DEPDC5: variants seen among roughly 807,000 people sequenced by gnomAD.
DEPDC5 encodes the protein DEP domain containing 5, GATOR1 subcomplex subunit.
A neutral mutation model predicts 217.3 loss-of-function variants in DEPDC5; 73 were observed. The ratio of observed to expected loss-of-function variants is 0.34; its 90% CI spans 0.28 to 0.41. DEPDC5 has a LOEUF of 0.41. Among genes scored for constraint, DEPDC5 ranks in the 10% least tolerant of loss-of-function variants. DEPDC5 has a pLI of 1.00. For missense variants in DEPDC5, 1,675 were observed against 2,070.1 expected (o/e 0.81, Z 3.70); for synonymous variants, 733 against 756.7 (o/e 0.97, Z 0.51).
intron 2 of DEPDC5, 26 bp downstream of exon 2, chr22:31,755,005 T>C: frequency 1.2e-6 from 2 of 1,613,644 alleles, no homozygotes; most frequent in Non-Finnish European, 1.7e-6. Context: ...TCTTTAGAGG[T>C]TTTGTAAGTT....
intron 24 of DEPDC5, among the ~76,000 whole-genome samples, chr22:31,829,153 A>G (rs185822648): frequency 5.9e-5 from 9 of 152,346 alleles, no homozygotes; most frequent in Admixed American, 4.6e-4. Flanking sequence ...GGTTGGGTAC[A>G]TTATGGGCTA....
At chr22:31,819,296 A>C in intron 22 of DEPDC5, 71 bp downstream of exon 22, 1 of 1,549,872 alleles carries the variant, frequency 6.5e-7, no homozygotes, top group Non-Finnish European at 8.8e-7. Flanking sequence ...TCGGTCACCC[A>C]TGTGTCCTTG....
intron 5 of DEPDC5, among the ~76,000 whole-genome samples, chr22:31,765,579 G>A (rs558481974): frequency 2.0e-5 from 3 of 151,880 alleles, no homozygotes; most frequent in Non-Finnish European, 4.4e-5. Context: ...AGGAGCTACC[G>A]CGTCCTGCCT....
At chr22:31,893,043 T>C (rs1188259697) in intron 38 of DEPDC5, among the ~76,000 whole-genome samples, 1 of 151,998 alleles carries the variant, frequency 6.6e-6, no homozygotes, top group African/African-American at 2.4e-5. Flanking sequence ...ACCCAGCTAA[T>C]TTTTGTATTT....
chr22:31,885,807 G>T (rs1326587870), intron 38 of DEPDC5, among the ~76,000 whole-genome samples: 2 of 151,486 alleles, frequency 1.3e-5, no homozygotes, highest in African/African-American at 4.9e-5. Flanking sequence ...AGGCCAAGGC[G>T]GGTGGATCAC....
At chr22:31,759,607 C>T (rs545230273) in intron 3 of DEPDC5, among the ~76,000 whole-genome samples, 11 of 148,540 alleles carry the variant, frequency 7.4e-5, no homozygotes, top group African/African-American at 2.7e-4. Context: ...CTCCTGACCT[C>T]GTGATCCGCC....
chr22:31,804,672 G>C (rs1197369582), intron 16 of DEPDC5, among the ~76,000 whole-genome samples, 170 bp from the exon 17 acceptor site: 1 of 152,162 alleles, frequency 6.6e-6, no homozygotes, highest in Non-Finnish European at 1.5e-5. Flanking sequence ...ACACCTGATT[G>C]CAGGTGGTCC....
chr22:31,765,610 T>A lies in DEPDC5; in HGVS notation c.279+550T>A, dbSNP rs151098204. Among the ~76,000 whole-genome samples, 138 of 152,154 alleles carry A rather than the reference T, an allele frequency of 9.1e-4. 2 individuals carry two copies. The East Asian group carries it at 0.025, about 27-fold the overall frequency. Reference sequence around the variant, plus strand: ...TGCCTACTAAAACTTTTCTAAAAGATTAGCTGGGTGTGTTGTATATGCCTG... The same window carrying A: ...TGCCTACTAAAACTTTTCTAAAAGAATAGCTGGGTGTGTTGTATATGCCTG... On this transcript the variant is annotated intron_variant, in intron 5 of 42. Coordinates refer to ENST00000651528, the MANE Select transcript of DEPDC5 (RefSeq NM_001242896.3).
intron 4 of DEPDC5, among the ~76,000 whole-genome samples, chr22:31,762,344 A>C (rs1414354818): frequency 6.6e-6 from 1 of 152,252 alleles, no homozygotes. Flanking sequence ...CTGGATTCAA[A>C]TCCTTTCTTT....
intron 8 of DEPDC5, among the ~76,000 whole-genome samples, chr22:31,779,108 C>T (rs888069095): frequency 1.3e-5 from 2 of 152,148 alleles, no homozygotes; most frequent in African/African-American, 4.8e-5. Flanking sequence ...CACCCTTCAC[C>T]CTACAAATCT....
chr22:31,849,398 A>G (rs1405438480), intron 31 of DEPDC5, among the ~76,000 whole-genome samples: 2 of 152,146 alleles, frequency 1.3e-5, no homozygotes, highest in African/African-American at 4.8e-5. Flanking sequence ...ACTTAAAATC[A>G]TGGTGGAAGG....
chr22:31,805,565 A>G (rs2087415082), intron 17 of DEPDC5, among the ~76,000 whole-genome samples: 2 of 150,544 alleles, frequency 1.3e-5, no homozygotes, highest in Admixed American at 6.6e-5. Context: ...CAGTGACATG[A>G]TCTTGGCTCA....
chr22:31,821,290 AT>A (rs1386919744), intron 22 of DEPDC5, among the ~76,000 whole-genome samples: 1 of 152,230 alleles, frequency 6.6e-6, no homozygotes, highest in Non-Finnish European at 1.5e-5. Context: ...TTCTTAACAG[AT>A]TAGACAGGAT....
intron 31 of DEPDC5, among the ~76,000 whole-genome samples, chr22:31,848,134 C>A (rs2149047185): frequency 6.6e-6 from 1 of 152,382 alleles, no homozygotes; most frequent in African/African-American, 2.4e-5. Context: ...CTCCCAGGCC[C>A]TTGGGTAGCT....
intron 33 of DEPDC5, among the ~76,000 whole-genome samples, chr22:31,866,855 A>G (rs1299266577): frequency 2.0e-5 from 3 of 151,118 alleles, no homozygotes; most frequent in South Asian, 4.2e-4. Flanking sequence ...ATCACATCAC[A>G]TCAGTAGGTA....
chr22:31,866,230 G>C (rs2092684789), intron 33 of DEPDC5, among the ~76,000 whole-genome samples: 2 of 152,084 alleles, frequency 1.3e-5, no homozygotes, highest in African/African-American at 4.8e-5. Flanking sequence ...TGGTGCTGCT[G>C]CTGAGAGGTT....
At chr22:31,784,973 AT>A in intron 10 of DEPDC5, 98 bp downstream of exon 10, 1 of 1,108,510 alleles carries the variant, frequency 9.0e-7, no homozygotes, top group Non-Finnish European at 1.3e-6. Flanking sequence ...AAATTGAGCT[AT>A]TTTAGGTAAA....
At chr22:31,838,549 C>T in intron 26 of DEPDC5, 136 bp from the exon 27 acceptor site, 1 of 1,210,448 alleles carries the variant, frequency 8.3e-7, no homozygotes, top group Non-Finnish European at 1.1e-6. Context: ...CCATGCCCAG[C>T]TCAAACTGTT....
intron 31 of DEPDC5, 74 bp from the exon 32 acceptor site, chr22:31,857,371 G>T: frequency 7.8e-7 from 1 of 1,287,598 alleles, no homozygotes. Flanking sequence ...AGAGCTGTCT[G>T]CATCTTGGCC....
Sources: gnomAD v4.1 joint callset for allele counts (sites outside exome capture counted in the v4.1 genomes callset) on GRCh38, gnomAD v4.1.1 for gene constraint, MANE v1.5 for transcripts, NCBI Gene and HGNC (gene_info 2026-07-23, HGNC 2026-07-21) for gene names.